The following GALNTL6 variants were observed in gnomAD, a reference collection of about 807,000 sequenced individuals.
The protein encoded by GALNTL6 is polypeptide N-acetylgalactosaminyltransferase like 6, also known as polypeptide N-acetylgalactosaminyltransferase-like 6.
GALNTL6 carries 46 observed loss-of-function variants against 73.7 expected under a neutral mutation model. That is an observed-to-expected ratio of 0.62 (90% CI 0.49 to 0.80). GALNTL6 has a LOEUF of 0.80. GALNTL6 is among the 30% of genes least tolerant of loss of function. GALNTL6 has a pLI of 0.00. For synonymous variants in GALNTL6, 259 were observed against 263.7 expected, an observed-to-expected ratio of 0.98 and a Z score of 0.17; for missense variants, 604 against 755.0, an observed-to-expected ratio of 0.80 and a Z score of 2.34.
intron 2 of GALNTL6, among the ~76,000 whole-genome samples, chr4:171,852,681 T>G (rs2110863500): frequency 6.6e-6 from 1 of 152,226 alleles, no homozygotes; most frequent in South Asian, 2.1e-4. Context: ...TTTGGGGAAT[T>G]ATTGCCACCT....
intron 2 of GALNTL6, among the ~76,000 whole-genome samples, chr4:172,215,819 A>C (rs1030691034): frequency 7.2e-5 from 11 of 152,070 alleles, no homozygotes; most frequent in African/African-American, 2.7e-4. Context: ...AGTTTTAACT[A>C]TTTTATATAA....
At chr4:172,719,207 T>C (rs544324055) in intron 5 of GALNTL6, among the ~76,000 whole-genome samples, 26 of 152,280 alleles carry the variant, frequency 1.7e-4, no homozygotes, top group African/African-American at 4.6e-4. Context: ...ATACTCAAAA[T>C]GAATCAGGCC....
At chr4:172,334,139 C>T (rs1561031187) in intron 4 of GALNTL6, among the ~76,000 whole-genome samples, 2 of 152,012 alleles carry the variant, frequency 1.3e-5, no homozygotes, top group Non-Finnish European at 2.9e-5. Context: ...CTCTACTCTA[C>T]TTTGGTTACT....
At chr4:172,055,363 G>A (rs984944762) in intron 2 of GALNTL6, among the ~76,000 whole-genome samples, 2 of 152,122 alleles carry the variant, frequency 1.3e-5, no homozygotes, top group Non-Finnish European at 2.9e-5. Context: ...ATGCTTCACT[G>A]CTGCACATCC....
At chr4:171,964,800 C>T (rs1348761721) in intron 2 of GALNTL6, among the ~76,000 whole-genome samples, 1 of 152,100 alleles carries the variant, frequency 6.6e-6, no homozygotes, top group Non-Finnish European at 1.5e-5. Context: ...TTCTGGCGGT[C>T]GACCTTGGAC....
At chr4:172,362,765 T>A (rs1256784043) in intron 5 of GALNTL6, among the ~76,000 whole-genome samples, 1 of 152,162 alleles carries the variant, frequency 6.6e-6, no homozygotes, top group Non-Finnish European at 1.5e-5. Flanking sequence ...CTTGATGACA[T>A]CATCATCCAT....
At chr4:172,408,529 A>G (rs910215051) in intron 5 of GALNTL6, among the ~76,000 whole-genome samples, 4 of 152,020 alleles carry the variant, frequency 2.6e-5, no homozygotes, top group African/African-American at 9.7e-5. Flanking sequence ...AATGTATAAA[A>G]ATAAATTATA....
At position 172,526,312 on chromosome 4, in the gene GALNTL6, G is replaced by C. The variant is rs113780413; in HGVS notation, c.553+177623G>C. On this transcript the variant is annotated intron_variant, in intron 5 of 12. Transcript: ENST00000506823. ...TTGATTGTTTCAGCATCGCTCACTG[G>C]AGCTTCTTCTCTATCCTCACGGCTT... Among the ~76,000 whole-genome samples the C allele has an allele frequency of 7.6e-3, 1,152 of 152,220 alleles. 16 individuals are homozygous for C. The highest frequency in any genetic ancestry group is 0.026 in the African/African-American group (1,083 of 41,516).
chr4:172,767,801 C>G (rs188022832), intron 5 of GALNTL6, among the ~76,000 whole-genome samples: 99 of 151,506 alleles, frequency 6.5e-4, no homozygotes, highest in African/African-American at 2.3e-3. Context: ...TCCCAAGTAG[C>G]TGGGATCACA....
chr4:173,017,845 G>T (rs1482471540), intron 11 of GALNTL6, among the ~76,000 whole-genome samples: 1 of 152,206 alleles, frequency 6.6e-6, no homozygotes, highest in Non-Finnish European at 1.5e-5. Flanking sequence ...CCAACAGACA[G>T]ATTTGCCAGT....
At chr4:171,953,190 T>C (rs919540612) in intron 2 of GALNTL6, among the ~76,000 whole-genome samples, 2 of 151,624 alleles carry the variant, frequency 1.3e-5, no homozygotes, top group African/African-American at 2.4e-5. Context: ...TTCAATAGAA[T>C]TCTAATCAAA....
intron 2 of GALNTL6, among the ~76,000 whole-genome samples, chr4:172,078,282 T>G (rs1731770296): frequency 1.3e-5 from 2 of 152,144 alleles, no homozygotes; most frequent in South Asian, 2.1e-4. Context: ...GGCTTAAAAG[T>G]GTACGGCACA....
chr4:172,559,701 T>C (rs978974332), intron 5 of GALNTL6, among the ~76,000 whole-genome samples: 1 of 152,214 alleles, frequency 6.6e-6, no homozygotes, highest in Non-Finnish European at 1.5e-5. Context: ...TTATTGAGTC[T>C]GGTTCCTAGT....
chr4:171,956,786 G>A (rs1470739190), intron 2 of GALNTL6, among the ~76,000 whole-genome samples: 1 of 151,920 alleles, frequency 6.6e-6, no homozygotes, highest in Non-Finnish European at 1.5e-5. Flanking sequence ...TCTTCTTCTG[G>A]AATGCATCTC....
At chr4:171,910,586 G>C (rs993804469) in intron 2 of GALNTL6, among the ~76,000 whole-genome samples, 1 of 151,508 alleles carries the variant, frequency 6.6e-6, no homozygotes, top group Non-Finnish European at 1.5e-5. Flanking sequence ...AAAAAAATCA[G>C]TTTATGTTAC....
intron 5 of GALNTL6, among the ~76,000 whole-genome samples, chr4:172,623,664 A>G (rs1313491051): frequency 6.6e-6 from 1 of 152,128 alleles, no homozygotes; most frequent in Admixed American, 6.6e-5. Flanking sequence ...CTAATTTTCC[A>G]GCTTTCTTGC....
intron 2 of GALNTL6, among the ~76,000 whole-genome samples, chr4:172,026,229 G>A (rs1741572240): frequency 6.6e-6 from 1 of 151,960 alleles, no homozygotes; most frequent in East Asian, 1.9e-4. Context: ...TATAAATGTA[G>A]GTATTTCATA....
chr4:172,086,938 A>G (rs1287633970), intron 2 of GALNTL6, among the ~76,000 whole-genome samples: 4 of 152,210 alleles, frequency 2.6e-5, no homozygotes, highest in East Asian at 1.9e-4. Context: ...TATGGAATAT[A>G]CCAATATTGC....
At chr4:172,764,904 G>C (rs1738318708) in intron 5 of GALNTL6, among the ~76,000 whole-genome samples, 1 of 152,202 alleles carries the variant, frequency 6.6e-6, no homozygotes, top group South Asian at 2.1e-4. Context: ...TACTTGTGAA[G>C]AAGTGTTATT....
Sources: allele counts gnomAD v4.1 joint callset (sites outside exome capture counted in the v4.1 genomes callset), GRCh38; gene constraint gnomAD v4.1.1; transcripts MANE v1.5; gene names NCBI Gene and HGNC (gene_info 2026-07-23, HGNC 2026-07-21).